DLGAP5: variants seen among roughly 807,000 people sequenced by gnomAD.
DLGAP5 encodes DLG associated protein 5.
DLGAP5 carries 90 observed loss-of-function variants against 99.6 expected under a neutral mutation model. The ratio of observed to expected loss-of-function variants is 0.90; its 90% CI spans 0.76 to 1.08. The LOEUF (loss-of-function observed/expected upper bound fraction) is 1.08, where lower values mean the gene tolerates loss of function less well. Ranked by LOEUF, DLGAP5 falls within the 50% of genes least tolerant of loss-of-function variation. The pLI, the probability that DLGAP5 is intolerant of heterozygous loss-of-function variation, is 0.00. For synonymous variants in DLGAP5, 311 were observed against 321.3 expected, an observed-to-expected ratio of 0.97 and a Z score of 0.34; for missense variants, 1,036 against 983.5, an observed-to-expected ratio of 1.05 and a Z score of -0.71.
chr14:55,175,752 A>G, intron 9 of DLGAP5, 142 bp downstream of exon 9: 1 of 725,858 alleles, frequency 1.4e-6, no homozygotes, highest in South Asian at 2.5e-5. Context: ...ACATCCCCAA[A>G]TGATATGGTG....
chr14:55,162,387 AG>A (rs1459687601), intron 13 of DLGAP5, among the ~76,000 whole-genome samples: 1 of 152,118 alleles, frequency 6.6e-6, no homozygotes, highest in African/African-American at 2.4e-5. Context: ...TGGGAGGCCG[AG>A]GTGGGTGGAT....
intron 17 of DLGAP5, 89 bp downstream of exon 17, chr14:55,151,606 G>A: frequency 7.5e-7 from 1 of 1,326,900 alleles, no homozygotes; most frequent in Non-Finnish European, 1.0e-6. Flanking sequence ...TAGATCTAAT[G>A]TAAAATGGAC....
intron 2 of DLGAP5, among the ~76,000 whole-genome samples, chr14:55,185,754 A>C (rs1045918992): frequency 1.3e-5 from 2 of 151,524 alleles, no homozygotes; most frequent in East Asian, 3.9e-4. Flanking sequence ...AAAGTGCTGG[A>C]ATTACAGGTG....
intron 5 of DLGAP5, 87 bp from the exon 6 acceptor site, chr14:55,180,865 GTAGTCCCA>G: frequency 6.5e-7 from 1 of 1,529,608 alleles, no homozygotes; most frequent in Non-Finnish European, 9.0e-7. Context: ...TGCAATGCCT[GTAGTCCCA>G]GCTACTTGGG....
chr14:55,149,374 C>A (rs1881931376), intron 18 of DLGAP5, among the ~76,000 whole-genome samples: 3 of 152,104 alleles, frequency 2.0e-5, no homozygotes, highest in African/African-American at 7.2e-5. Flanking sequence ...AAGAATGGTA[C>A]GTGGGTCACA....
intron 14 of DLGAP5, among the ~76,000 whole-genome samples, chr14:55,157,043 A>G: frequency 6.6e-6 from 1 of 152,258 alleles, no homozygotes; most frequent in Non-Finnish European, 1.5e-5. Flanking sequence ...ACAAAACTCC[A>G]GTAAGACTCC....
At chr14:55,151,405 T>C (rs1004077159) in intron 17 of DLGAP5, among the ~76,000 whole-genome samples, 4 of 152,142 alleles carry the variant, frequency 2.6e-5, no homozygotes, top group South Asian at 4.1e-4. Flanking sequence ...ATAAAAAAAT[T>C]AGCTAGGCGC....
intron 14 of DLGAP5, among the ~76,000 whole-genome samples, chr14:55,156,460 A>T (rs1343401721): frequency 6.6e-6 from 1 of 152,224 alleles, no homozygotes. Context: ...AGCCAGAATG[A>T]TACCTTCCAG....
In DLGAP5 at chr14:55,151,941, C is replaced by A; in HGVS notation, c.2122G>T (p.Val708Phe). Reference sequence around the variant, plus strand: ...ACCTTCAAGTCTGTCTTATTTACAACCTGGAAGTAAAAATGGCATTATATT... The same window carrying A: ...ACCTTCAAGTCTGTCTTATTTACAAACTGGAAGTAAAAATGGCATTATATT... ...GLPDLIEENH[V>F]VNKTDLKVDC... is the part of the protein sequence containing the mutation. The change falls in exon 17 of 19, where the codon GTT becomes TTT. Residue 708 changes from valine (V) to phenylalanine (F), a missense_variant and splice_region_variant. Transcript: ENST00000247191. The A allele has an allele frequency of 6.2e-7, 1 of 1,604,622 alleles. No individual in the cohort carries two copies. The highest frequency in any genetic ancestry group is 8.5e-7 in the Non-Finnish European group (1 of 1,176,596).
At chr14:55,151,965 TTTAA>T (rs1178109220) in intron 16 of DLGAP5, 24 bp from the exon 17 acceptor site, 23 of 1,588,896 alleles carry the variant, frequency 1.4e-5, no homozygotes, top group Non-Finnish European at 2.0e-5. Flanking sequence ...TGGCATTATA[TTTAA>T]TTATCAATTT....
At chr14:55,189,261 C>T in intron 1 of DLGAP5, 81 bp from the exon 2 acceptor site, 1 of 971,488 alleles carries the variant, frequency 1.0e-6, no homozygotes, top group Non-Finnish European at 1.6e-6. Flanking sequence ...TTTCCTGTCC[C>T]ACTTCAGGGC....
intron 13 of DLGAP5, among the ~76,000 whole-genome samples, chr14:55,159,488 T>G (rs1882336931): frequency 6.6e-6 from 1 of 152,194 alleles, no homozygotes; most frequent in African/African-American, 2.4e-5. Context: ...TGAGAGGACT[T>G]ACTCATCTAT....
intron 11 of DLGAP5, among the ~76,000 whole-genome samples, chr14:55,170,113 C>T (rs1278129688): frequency 6.6e-6 from 1 of 151,100 alleles, no homozygotes; most frequent in African/African-American, 2.4e-5. Flanking sequence ...CCAGCCTGGG[C>T]AACAAGAGCA....
chr14:55,164,047 C>T (rs1449491218), intron 12 of DLGAP5, among the ~76,000 whole-genome samples: 1 of 151,838 alleles, frequency 6.6e-6, no homozygotes, highest in Non-Finnish European at 1.5e-5. Flanking sequence ...AAATATAATC[C>T]CCATCTTTCT....
chr14:55,166,928 C>G (rs1350211897), intron 12 of DLGAP5, among the ~76,000 whole-genome samples: 1 of 150,392 alleles, frequency 6.6e-6, no homozygotes, highest in Non-Finnish European at 1.5e-5. Flanking sequence ...GTGGCTCCCA[C>G]TAAGCCAAAG....
chr14:55,169,855 G>A (rs999408374), intron 11 of DLGAP5, among the ~76,000 whole-genome samples: 11 of 152,064 alleles, frequency 7.2e-5, no homozygotes, highest in African/African-American at 2.4e-4. Context: ...GCTCATGCCT[G>A]CGGGCGCGGT....
intron 7 of DLGAP5, among the ~76,000 whole-genome samples, chr14:55,178,646 T>C (rs1008791210): frequency 3.9e-5 from 6 of 152,242 alleles, no homozygotes; most frequent in Non-Finnish European, 7.3e-5. Context: ...AAGGTCCAGC[T>C]GCTTTATCTG....
At chr14:55,170,830 C>A in intron 10 of DLGAP5, 43 bp from the exon 11 acceptor site, 1 of 1,392,476 alleles carries the variant, frequency 7.2e-7, no homozygotes, top group Non-Finnish European at 1.0e-6. Flanking sequence ...GTGGTTTTTA[C>A]ACTAGTAGCT....
chr14:55,177,305 T>A lies in DLGAP5; in HGVS notation c.806A>T (p.Asn269Ile). 6.2e-7 allele frequency: 1 copy of A among 1,606,514 alleles called. No homozygotes were observed. The highest frequency in any genetic ancestry group is 8.5e-7 in the Non-Finnish European group (1 of 1,177,570). The change falls in exon 8 of 19, where the codon AAT becomes ATT. Residue 269 changes from asparagine (N) to isoleucine (I), a missense_variant. By Grantham distance (149) the Asn-to-Ile change is moderately radical. Transcript: ENST00000247191. The stretch of plus-strand genomic sequence containing the variant: ...TGCATTAGTTTGTGAATTCAAAGTA[T>A]TTTCTTCACTATCGACTTTACAAGA... ...GISCKVDSEE[N>I]TLNSQTNATS...
Sources: allele counts gnomAD v4.1 joint callset (sites outside exome capture counted in the v4.1 genomes callset), GRCh38; gene constraint gnomAD v4.1.1; transcripts MANE v1.5; gene names NCBI Gene and HGNC (gene_info 2026-07-23, HGNC 2026-07-21).